Variants in ASPSCR1 observed in about 807,000 individuals in gnomAD.
ASPSCR1 encodes tether containing UBX domain for GLUT4.
In ASPSCR1, 55 loss-of-function variants were observed where a neutral mutation model predicts 68.9. That is an observed-to-expected ratio of 0.80 (90% CI 0.64 to 1.00). The LOEUF (loss-of-function observed/expected upper bound fraction) is 1.00. ASPSCR1 is among the 50% of genes least tolerant of loss of function. ASPSCR1 has a pLI of 0.00. For missense variants in ASPSCR1, 765 were observed against 762.2 expected (o/e 1.00, Z -0.04); for synonymous variants, 352 against 332.6 (o/e 1.06, Z -0.63).
Position 81,999,671 on chromosome 17 carries a change from C to G in ASPSCR1, c.933+2825C>G, listed in dbSNP as rs1018038440. Among the ~76,000 whole-genome samples the G allele has an allele frequency of 5.9e-5, 9 of 151,970 alleles. No individual in the cohort carries two copies. The highest frequency in any genetic ancestry group is 1.2e-4 in the Non-Finnish European group (8 of 67,964). ...AAAACAAGAAGTGGCCAGGAGGGCT[C>G]TGTGCACATGGCCCCGGCCTCGGCT... On this transcript the variant is annotated intron_variant, in intron 7 of 15. Coordinates refer to ENST00000306739, the MANE Select transcript of ASPSCR1 (RefSeq NM_024083.4). The surrounding 1 kb of genome is among the most constrained non-coding windows in gnomAD (Gnocchi z 4.4).
chr17:82,001,424 G>T (rs967779089), intron 7 of ASPSCR1, among the ~76,000 whole-genome samples: 13 of 152,190 alleles, frequency 8.5e-5, no homozygotes, highest in Admixed American at 5.9e-4. Flanking sequence ...ACAACCCTGG[G>T]CTCTGAGGCT....
intron 4 of ASPSCR1, among the ~76,000 whole-genome samples, chr17:81,992,211 G>A (rs1262326834): frequency 2.6e-5 from 4 of 152,178 alleles, no homozygotes; most frequent in East Asian, 1.9e-4. Flanking sequence ...TTGCCCCTGC[G>A]GACATTGGGA....
intron 2 of ASPSCR1, 103 bp downstream of exon 2, chr17:81,979,342 A>T (rs895973980): frequency 4.6e-6 from 6 of 1,307,680 alleles, no homozygotes; most frequent in Non-Finnish European, 6.6e-6. Context: ...GGTTTTAAAC[A>T]GTCATATATT....
intron 4 of ASPSCR1, among the ~76,000 whole-genome samples, chr17:81,994,266 C>T (rs1182419790): frequency 1.3e-5 from 2 of 152,360 alleles, no homozygotes; most frequent in East Asian, 1.9e-4. Flanking sequence ...CTTATAAGCA[C>T]GGCCTCCCCG....
intron 4 of ASPSCR1, among the ~76,000 whole-genome samples, chr17:81,991,544 C>T (rs1238320306): frequency 2.0e-5 from 3 of 152,152 alleles, no homozygotes; most frequent in South Asian, 2.1e-4. Flanking sequence ...CTCTGCGGCC[C>T]GTCCCTGTCC....
At position 81,987,326 on chromosome 17, in the gene ASPSCR1, C is replaced by T. The variant is rs530783596; in HGVS notation, c.374+1719C>T. 9.2e-5 allele frequency among the ~76,000 whole-genome samples: 14 copies of T among 152,208 alleles called. No individual in the cohort carries two copies. The highest frequency in any genetic ancestry group is 1.9e-4 in the African/African-American group (8 of 41,446). On this transcript the variant is annotated intron_variant, in intron 4 of 15. Transcript: ENST00000306739. This position sits in a 1 kb window ranked among gnomAD's most constrained non-coding sequence, Gnocchi z 5.6. ...ACTGGGTGAGAAGCAGGGATCCCGG[C>T]GCCCTGGCTCTGTGCTGCTTCCTGA...
chr17:82,015,719 G>C (rs1332375653), intron 12 of ASPSCR1: 1 of 308,144 alleles, frequency 3.2e-6, no homozygotes, highest in Non-Finnish European at 6.1e-6. Flanking sequence ...GGCGGAGCAT[G>C]CTCTCCATCT....
intron 12 of ASPSCR1, chr17:82,014,703 G>T (rs115539223): frequency 0.022 from 6,067 of 272,028 alleles, 367 homozygotes; most frequent in African/African-American, 0.12. Flanking sequence ...GCGGCCAGGC[G>T]CTGGGCCACG....
chr17:81,977,788 G>A lies in ASPSCR1; in HGVS notation c.102+40G>A, dbSNP rs1214895388. Reference sequence around the variant, plus strand: ...CCGGGGCGGACGGGTAGGCGGGCGGGGGGCGCTGCGCCGAGGCCCCGCCCA... The same window carrying A: ...CCGGGGCGGACGGGTAGGCGGGCGGAGGGCGCTGCGCCGAGGCCCCGCCCA... On this transcript the variant is annotated intron_variant, in intron 1 of 15. Coordinates refer to ENST00000306739, the MANE Select transcript of ASPSCR1 (RefSeq NM_024083.4). The surrounding 1 kb of genome is among the most constrained non-coding windows in gnomAD (Gnocchi z 5.0). 3.3e-6 allele frequency: 4 copies of A among 1,203,620 alleles called. No individual in the cohort carries two copies. The highest frequency in any genetic ancestry group is 4.1e-6 in the Non-Finnish European group (4 of 967,990). 74.6% of individuals were successfully genotyped at this position (1,203,620 alleles called of 1,614,324 possible).
chr17:81,994,910 C>T (rs375315509), intron 5 of ASPSCR1, 32 bp downstream of exon 5: 107 of 1,587,978 alleles, frequency 6.7e-5, no homozygotes, highest in Middle Eastern at 1.7e-4. Flanking sequence ...ACCCAGTCCC[C>T]GCTCACTTTC....
chr17:82,009,815 G>A (rs576773007), intron 9 of ASPSCR1: 25 of 408,974 alleles, frequency 6.1e-5, no homozygotes, highest in Admixed American at 5.0e-4. Context: ...ATGGGACGTG[G>A]GGGCGACTGA....
Position 82,001,079 on chromosome 17 carries a change from TCTGTGG to T in ASPSCR1, c.933+4237_933+4242del, listed in dbSNP as rs534334526. 7.7e-4 allele frequency among the ~76,000 whole-genome samples: 117 copies of T among 152,264 alleles called. 1 individual carries two copies. The East Asian group carries it at 0.021, about 28-fold the overall frequency. ...CAGCACCCCTGCTCACACCCGGCCC[TCTGTGG>T]CTGACAGCCGGTGTGGGACTCGTGG... On this transcript the variant is annotated intron_variant, in intron 7 of 15. Transcript: ENST00000306739.
intron 2 of ASPSCR1, among the ~76,000 whole-genome samples, chr17:81,979,511 C>A (rs147020746): frequency 6.6e-6 from 1 of 152,282 alleles, no homozygotes; most frequent in African/African-American, 2.4e-5. Flanking sequence ...GTGGCCTTTT[C>A]CTGTTTTCTC....
rs1463642495 is a variant in ASPSCR1, at chr17:82,017,335, T to A, written c.*13T>A. 1 of 1,611,292 alleles carries A rather than the reference T, an allele frequency of 6.2e-7. No homozygotes were observed. The highest frequency in any genetic ancestry group is 2.2e-5 in the East Asian group (1 of 44,884). On this transcript the variant is annotated 3_prime_UTR_variant, in exon 16 of 16. Transcript: ENST00000306739. Reference sequence around the variant, plus strand: ...CAGCAAGAGGTGAGAGCTGCCAGCCTGAGGTGCCCACTCCGCCAGCCACAG... The same window carrying A: ...CAGCAAGAGGTGAGAGCTGCCAGCCAGAGGTGCCCACTCCGCCAGCCACAG...
intron 3 of ASPSCR1, among the ~76,000 whole-genome samples, chr17:81,985,230 GCACACACC>G (rs1241514955): frequency 6.7e-6 from 1 of 148,498 alleles, no homozygotes; most frequent in Non-Finnish European, 1.5e-5. Context: ...GCACACCCCC[GCACACACC>G]CACACACACA....
In ASPSCR1 at chr17:81,977,673, C is replaced by T. The variant is rs973791491; in HGVS notation, c.27C>T (p.Gly9=). MAAPAGGG[G]SAVSVLAPNG... is the part of the protein sequence containing the mutation. ...TGGCGGCCCCGGCAGGCGGCGGAGG[C>T]TCCGCGGTGTCGGTGCTGGCCCCGA... The change falls in exon 1 of 16, where the codon GGC becomes GGT. Residue 9 remains glycine (G), a synonymous_variant. Coordinates refer to ENST00000306739, the MANE Select transcript of ASPSCR1 (RefSeq NM_024083.4). This position sits in a 1 kb window ranked among gnomAD's most constrained non-coding sequence, Gnocchi z 5.0. 5.7e-6 allele frequency: 8 copies of T among 1,398,472 alleles called. No individual in the cohort carries two copies. Among genetic ancestry groups the T allele is most frequent in the South Asian group, 2.9e-5 (2 of 69,076 alleles). 86.6% of individuals were successfully genotyped at this position (1,398,472 alleles called of 1,614,324 possible).
At chr17:81,998,907 C>G (rs987558256) in intron 7 of ASPSCR1, among the ~76,000 whole-genome samples, 1 of 152,230 alleles carries the variant, frequency 6.6e-6, no homozygotes, top group African/African-American at 2.4e-5. Context: ...TGCTGACCTC[C>G]GAGCATGCCT....
chr17:82,009,811 C>T (rs564784838), intron 9 of ASPSCR1: 103 of 361,008 alleles, frequency 2.9e-4, no homozygotes, highest in African/African-American at 2.1e-3. Flanking sequence ...GTGGATGGGA[C>T]GTGGGGGCGA....
At position 82,017,308 on chromosome 17, in the gene ASPSCR1, G is replaced by T; in HGVS notation, c.1649-1G>T. ...GTCACCCTGATGTGTCTGCACTACAGCCAGCAAGAGGTGAGAGCTGCCAGC... is the reference window on the plus strand; with the variant it reads ...GTCACCCTGATGTGTCTGCACTACATCCAGCAAGAGGTGAGAGCTGCCAGC... On this transcript the variant is annotated splice_acceptor_variant, in intron 15 of 15. Coordinates refer to ENST00000306739, the MANE Select transcript of ASPSCR1 (RefSeq NM_024083.4). LOFTEE classifies it high-confidence loss of function. 1 of 1,611,380 alleles carries T rather than the reference G, an allele frequency of 6.2e-7. No homozygotes were observed.
Sources: allele counts gnomAD v4.1 joint callset (sites outside exome capture counted in the v4.1 genomes callset), GRCh38; gene constraint gnomAD v4.1.1; non-coding constraint Gnocchi (gnomAD v3.1); transcripts MANE v1.5; gene names NCBI Gene and HGNC (gene_info 2026-07-23, HGNC 2026-07-21).